Variants in TMEM178A observed in about 807,000 individuals in gnomAD.
The protein encoded by TMEM178A is transmembrane protein 178A, also known as transmembrane protein 178.
In TMEM178A, 12 loss-of-function variants were observed where a neutral mutation model predicts 29.1. That is an observed-to-expected ratio of 0.41 (90% CI 0.26 to 0.67). The LOEUF is 0.67. Ranked by LOEUF, TMEM178A falls within the 30% of genes least tolerant of loss-of-function variation. The pLI is 0.29. For synonymous variants in TMEM178A, 210 were observed against 187.2 expected, an observed-to-expected ratio of 1.12 and a Z score of -0.99; for missense variants, 366 against 419.1, an observed-to-expected ratio of 0.87 and a Z score of 1.11.
rs147270519 is a variant in TMEM178A, at chr2:39,704,803, C to T, written c.514+609C>T. Among the ~76,000 whole-genome samples the T allele has an allele frequency of 4.1e-3, 624 of 152,288 alleles. 5 individuals carry two copies. Among genetic ancestry groups the T allele is most frequent in the Middle Eastern group, 0.014 (4 of 294 alleles). On this transcript the variant is annotated intron_variant, in intron 2 of 3. Coordinates refer to ENST00000281961, the MANE Select transcript of TMEM178A (RefSeq NM_152390.3). The stretch of plus-strand genomic sequence containing the variant: ...CCTGATGATAGATAGCTCCCCGAAA[C>T]GAAAAACTACTGTGAATTTTTTTGG...
At chr2:39,723,132 C>T in the TMEM178A span, among the ~76,000 whole-genome samples, 1 of 152,312 alleles carries the variant, frequency 6.6e-6, no homozygotes, top group South Asian at 2.1e-4. Context: ...TTTCCATCCT[C>T]ATAGCTTTGC....
At chr2:39,721,501 C>G (rs1672703762), downstream of TMEM178A, among the ~76,000 whole-genome samples, 1 of 152,110 alleles carries the variant, frequency 6.6e-6, no homozygotes, top group Admixed American at 6.5e-5. Flanking sequence ...TCTCTTAGGT[C>G]TCTAAGTGAA....
chr2:39,688,958 C>T (rs1158791726), intron 1 of TMEM178A, among the ~76,000 whole-genome samples: 1 of 152,170 alleles, frequency 6.6e-6, no homozygotes, highest in Non-Finnish European at 1.5e-5. Context: ...TTCACGGTAT[C>T]AAATATGTTT....
chr2:39,726,572 A>G, the TMEM178A span, among the ~76,000 whole-genome samples: 1 of 152,236 alleles, frequency 6.6e-6, no homozygotes, highest in Admixed American at 6.5e-5. Context: ...TCTGGCTTAC[A>G]GAAAAACAGG....
intron 1 of TMEM178A, among the ~76,000 whole-genome samples, chr2:39,690,059 C>T (rs187324717): frequency 2.2e-4 from 33 of 152,306 alleles, no homozygotes; most frequent in African/African-American, 7.9e-4. Flanking sequence ...TCGCTTCTGC[C>T]TTGCCCCACC....
the TMEM178A span, among the ~76,000 whole-genome samples, chr2:39,726,416 A>G: frequency 5.3e-5 from 8 of 152,320 alleles, no homozygotes; most frequent in African/African-American, 1.7e-4. Flanking sequence ...AGGTAGAATG[A>G]AAGTGAGAGT....
chr2:39,704,229 G>A (rs770138908), intron 2 of TMEM178A, 35 bp downstream of exon 2: 5 of 1,579,346 alleles, frequency 3.2e-6, no homozygotes, highest in African/African-American at 2.7e-5. Flanking sequence ...GAGAGGAAAT[G>A]GTGTCATTCT....
chr2:39,708,712 C>G (rs559090788), intron 3 of TMEM178A, among the ~76,000 whole-genome samples: 1 of 152,036 alleles, frequency 6.6e-6, no homozygotes, highest in African/African-American at 2.4e-5. Context: ...CCACCGCGCC[C>G]GGCCGATTTT....
chr2:39,674,290 G>T (rs1670523070), intron 1 of TMEM178A, among the ~76,000 whole-genome samples: 1 of 152,178 alleles, frequency 6.6e-6, no homozygotes. Flanking sequence ...ATCAATCAGA[G>T]TGGATAAAGA....
intron 1 of TMEM178A, among the ~76,000 whole-genome samples, chr2:39,683,667 T>G (rs1451219203): frequency 6.6e-6 from 1 of 152,234 alleles, no homozygotes; most frequent in Non-Finnish European, 1.5e-5. Flanking sequence ...GAAATAGGGC[T>G]GTATGCCACC....
downstream of TMEM178A, among the ~76,000 whole-genome samples, chr2:39,720,291 CCCA>C (rs1434005846): frequency 6.6e-6 from 1 of 152,046 alleles, no homozygotes; most frequent in Non-Finnish European, 1.5e-5. Context: ...AAAGTGTGCC[CCCA>C]CAAGTGAGCT....
chr2:39,684,481 G>C (rs769762010), intron 1 of TMEM178A, among the ~76,000 whole-genome samples: 11 of 152,018 alleles, frequency 7.2e-5, no homozygotes, highest in Admixed American at 1.3e-4. Flanking sequence ...GCTTTGTATC[G>C]AGCATTAAGC....
chr2:39,669,239 G>A (rs1028516163), intron 1 of TMEM178A, among the ~76,000 whole-genome samples: 1 of 152,254 alleles, frequency 6.6e-6, no homozygotes, highest in Non-Finnish European at 1.5e-5. Flanking sequence ...TGGACCTAGA[G>A]GGCAAAGCTA....
chr2:39,707,935 A>G (rs979262337), intron 3 of TMEM178A, among the ~76,000 whole-genome samples: 22 of 152,206 alleles, frequency 1.4e-4, no homozygotes, highest in Non-Finnish European at 4.4e-5. Flanking sequence ...ATTTTTACAT[A>G]CACAACACTC....
At chr2:39,735,799 G>C in the TMEM178A span, among the ~76,000 whole-genome samples, 1 of 152,260 alleles carries the variant, frequency 6.6e-6, no homozygotes, top group South Asian at 2.1e-4. Context: ...TGAAACCTCA[G>C]GAGAGGAATG....
At chr2:39,711,506 G>A (rs1030526137) in intron 3 of TMEM178A, among the ~76,000 whole-genome samples, 1 of 152,100 alleles carries the variant, frequency 6.6e-6, no homozygotes, top group African/African-American at 2.4e-5. Flanking sequence ...GTGGCCAACT[G>A]GAAGATCACA....
At chr2:39,692,983 T>C (rs1395214705) in intron 1 of TMEM178A, among the ~76,000 whole-genome samples, 1 of 152,140 alleles carries the variant, frequency 6.6e-6, no homozygotes, top group Non-Finnish European at 1.5e-5. Context: ...CATTCATTGA[T>C]GTTCACTCTA....
intron 3 of TMEM178A, among the ~76,000 whole-genome samples, chr2:39,711,814 C>T (rs187099899): frequency 5.7e-4 from 86 of 152,162 alleles, no homozygotes; most frequent in Admixed American, 3.1e-3. Context: ...AAGAGTAACA[C>T]GGTGCATATA....
At chr2:39,709,798 G>A (rs181056648) in intron 3 of TMEM178A, among the ~76,000 whole-genome samples, 2 of 152,314 alleles carry the variant, frequency 1.3e-5, no homozygotes, top group African/African-American at 4.8e-5. Flanking sequence ...GGGATGCTCT[G>A]GAGTGGACAA....
Sources: allele counts gnomAD v4.1 joint callset (sites outside exome capture counted in the v4.1 genomes callset), GRCh38; gene constraint gnomAD v4.1.1; transcripts MANE v1.5; gene names NCBI Gene and HGNC (gene_info 2026-07-23, HGNC 2026-07-21).